SVIL: variants seen among roughly 807,000 people sequenced by gnomAD.
SVIL encodes the protein archvillin.
In SVIL, 101 loss-of-function variants were observed where a neutral mutation model predicts 240.4. The observed-to-expected ratio is 0.42, with a 90% CI of 0.36 to 0.50. SVIL has a LOEUF of 0.50. Among genes scored for constraint, SVIL ranks in the 20% least tolerant of loss-of-function variants. The pLI is 0.01. For synonymous variants in SVIL, 999 were observed against 1,100.0 expected, an observed-to-expected ratio of 0.91 and a Z score of 1.82; for missense variants, 2,512 against 2,818.7, an observed-to-expected ratio of 0.89 and a Z score of 2.46.
chr10:29,593,728 C>T (rs1204474123), intron 1 of SVIL, among the ~76,000 whole-genome samples: 1 of 152,054 alleles, frequency 6.6e-6, no homozygotes, highest in Admixed American at 6.5e-5. Flanking sequence ...ACACCATACA[C>T]ATGTTAAGAA....
intron 1 of SVIL, among the ~76,000 whole-genome samples, chr10:29,728,080 A>G (rs10826683): frequency 0.37 from 56,674 of 152,098 alleles, 11,205 homozygotes; most frequent in East Asian, 0.49. Flanking sequence ...ATCCCTAGCG[A>G]GGCTTTTGAT....
chr10:29,536,001 T>C lies in SVIL; in HGVS notation c.896A>G (p.Asn299Ser). The C allele has an allele frequency of 1.9e-6, 3 of 1,614,202 alleles. No individual in the cohort carries two copies. Among genetic ancestry groups the C allele is most frequent in the East Asian group, 2.2e-5 (1 of 44,888 alleles). The change falls in exon 7 of 38, where the codon AAC becomes AGC. Residue 299 changes from asparagine (N) to serine (S), a missense_variant. Coordinates refer to ENST00000355867, the MANE Select transcript of SVIL (RefSeq NM_021738.3). Reference protein sequence around the residue: ...DSEGDTPSLINWPSRVKVREK... With the variant: ...DSEGDTPSLISWPSRVKVREK... The stretch of plus-strand genomic sequence containing the variant: ...GGCGTGCGGGTACCTGGAAGGCCAG[T>C]TGATAAGTGAAGGTGTGTCCCCTTC...
At chr10:29,628,499 A>G (rs1200801892) in intron 1 of SVIL, among the ~76,000 whole-genome samples, 1 of 152,214 alleles carries the variant, frequency 6.6e-6, no homozygotes, top group Non-Finnish European at 1.5e-5. Flanking sequence ...TTATTTGCCA[A>G]CTTTCCATGC....
rs373486092 is a variant in SVIL, at chr10:29,512,783, C to T, written c.3468G>A (p.Pro1156=). 81 of 1,613,558 alleles carry T rather than the reference C, an allele frequency of 5.0e-5. No homozygotes were observed. Among genetic ancestry groups the T allele is most frequent in the Admixed American group, 4.8e-4 (29 of 60,010 alleles). The stretch of plus-strand genomic sequence containing the variant: ...CTTCCTGGGTGTGCAGGCTGCTGGC[C>T]GGCGCCTTGCCGCCCTCCTGCCTCC... The part of the protein sequence containing the change: ...LSRRQEGGKA[P]ASSLHTQEAG... Residue 1156 remains proline, a synonymous_variant, in exon 17 of 38, where the codon CCG becomes CCA. Transcript: ENST00000355867.
chr10:29,629,553 C>T (rs1421762790), intron 1 of SVIL, among the ~76,000 whole-genome samples: 4 of 152,154 alleles, frequency 2.6e-5, no homozygotes, highest in Non-Finnish European at 5.9e-5. Context: ...CTGAAGTCAA[C>T]TAGATCTGGG....
At chr10:29,568,680 A>G (rs7893141) in intron 2 of SVIL, among the ~76,000 whole-genome samples, 9,270 of 152,214 alleles carry the variant, frequency 0.061, 354 homozygotes, top group Admixed American at 0.12. Context: ...GGTCAATCAA[A>G]TTAGCACCCA....
intron 3 of SVIL, among the ~76,000 whole-genome samples, chr10:29,561,464 C>T (rs975066015): frequency 3.3e-5 from 5 of 152,150 alleles, no homozygotes; most frequent in Non-Finnish European, 5.9e-5. Context: ...ACAACCTCTG[C>T]TATGTAGAAC....
At chr10:29,727,740 CAA>C (rs10607348) in intron 1 of SVIL, among the ~76,000 whole-genome samples, 29,000 of 129,802 alleles carry the variant, frequency 0.22, 2,959 homozygotes, top group African/African-American at 0.29. Flanking sequence ...GTCGTGAACA[CAA>C]AAAAAAAAAA....
rs972080437 is a variant in SVIL, at chr10:29,717,182, G to A, written c.-400+18569C>T. Among the ~76,000 whole-genome samples, 5 of 125,394 alleles carry A rather than the reference G, an allele frequency of 4.0e-5. No individual in the cohort carries two copies. The East Asian group carries it at 1.3e-3, about 33-fold the overall frequency. 82.3% of individuals were successfully genotyped at this position (125,394 alleles called of 152,430 possible). A position where few individuals can be genotyped will look rare whatever the true frequency, so the allele number is the denominator to read the frequency against. On this transcript the variant is annotated intron_variant, in intron 1 of 35. Coordinates refer to the SVIL transcript ENST00000375400. ...CGGGAGGCGGAGCTTGCAGTGAGCC[G>A]AGATCACGCCACTGCACTCAAGCCT...
At chr10:29,508,741 T>C (rs1384547318) in intron 17 of SVIL, among the ~76,000 whole-genome samples, 1 of 152,184 alleles carries the variant, frequency 6.6e-6, no homozygotes, top group South Asian at 2.1e-4. Context: ...GGGGCTGTCA[T>C]AGATCTGAGC....
chr10:29,533,418 G>A lies in SVIL; in HGVS notation c.949C>T (p.Arg317Ter), dbSNP rs1951519553. The A allele has an allele frequency of 6.2e-7, 1 of 1,613,708 alleles. No homozygotes were observed. The highest frequency in any genetic ancestry group is 8.5e-7 in the Non-Finnish European group (1 of 1,179,834). The change falls in exon 8 of 38, where the codon CGA becomes TGA. Residue 317 changes from arginine (R) to a stop codon, truncating the protein, a stop_gained. Coordinates refer to ENST00000355867, the MANE Select transcript of SVIL (RefSeq NM_021738.3). LOFTEE classifies it high-confidence loss of function. ...TCTGAGGCGAGTTCAGGGCTGTTTC[G>A]AGCACTTTCCTCTTTCACCAATTTT... Reference protein sequence around the residue: ...REKLVKEESARNSPELASESV... With the variant: ...REKLVKEESA
intron 18 of SVIL, among the ~76,000 whole-genome samples, chr10:29,497,955 G>C (rs1290023372): frequency 6.6e-6 from 1 of 151,616 alleles, no homozygotes; most frequent in Non-Finnish European, 1.5e-5. Flanking sequence ...GGTGGCGCGC[G>C]CCTGTGATCC....
intron 2 of SVIL, among the ~76,000 whole-genome samples, chr10:29,679,576 TG>T (rs1282351762): frequency 5.9e-5 from 8 of 136,524 alleles, no homozygotes; most frequent in Non-Finnish European, 1.3e-4. Flanking sequence ...TTTTTTGAGA[TG>T]GGGGTCCCAC....
At chr10:29,586,162 C>T (rs1291866706) in intron 1 of SVIL, among the ~76,000 whole-genome samples, 2 of 152,200 alleles carry the variant, frequency 1.3e-5, no homozygotes, top group South Asian at 2.1e-4. Flanking sequence ...CTATTAACCA[C>T]ACACACTCAT....
chr10:29,667,864 A>C (rs1362658268), intron 2 of SVIL, among the ~76,000 whole-genome samples: 1 of 152,064 alleles, frequency 6.6e-6, no homozygotes, highest in East Asian at 1.9e-4. Flanking sequence ...CTCAAAAAAA[A>C]AAAAAATAAG....
intron 1 of SVIL, among the ~76,000 whole-genome samples, chr10:29,587,455 G>T (rs748915966): frequency 9.9e-5 from 15 of 152,210 alleles, no homozygotes; most frequent in Non-Finnish European, 2.2e-4. Flanking sequence ...AGCAAAGGGA[G>T]AGGCTACCTT....
At chr10:29,704,184 C>T (rs1242304370) in intron 1 of SVIL, among the ~76,000 whole-genome samples, 3 of 152,092 alleles carry the variant, frequency 2.0e-5, no homozygotes, top group Admixed American at 2.0e-4. Flanking sequence ...CTCAGCCTAC[C>T]ATGCTCAAAA....
chr10:29,610,511 A>G (rs992522126), intron 1 of SVIL, among the ~76,000 whole-genome samples: 1 of 147,052 alleles, frequency 6.8e-6, no homozygotes, highest in Non-Finnish European at 1.5e-5. Flanking sequence ...GTGCAGTAGC[A>G]TGGTCCTCAG....
At chr10:29,615,061 G>T (rs539151595) in intron 1 of SVIL, among the ~76,000 whole-genome samples, 104 of 152,230 alleles carry the variant, frequency 6.8e-4, no homozygotes, top group African/African-American at 2.3e-3. Flanking sequence ...ATAACAAAAA[G>T]TGTTGGAATT....
Sources: allele counts gnomAD v4.1 joint callset (sites outside exome capture counted in the v4.1 genomes callset), GRCh38; gene constraint gnomAD v4.1.1; transcripts MANE v1.5; gene names NCBI Gene and HGNC (gene_info 2026-07-23, HGNC 2026-07-21).